TLCD3A: variants seen among roughly 807,000 people sequenced by gnomAD.
The protein encoded by TLCD3A is TLC domain containing 3A, also known as TLC domain-containing protein 3A.
Under a neutral mutation model 29.9 loss-of-function variants are expected in TLCD3A, and 17 were observed. That is an observed-to-expected ratio of 0.57 (90% CI 0.39 to 0.85). The LOEUF is 0.85. TLCD3A is among the 40% of genes least tolerant of loss of function. The pLI is 0.00. For missense variants in TLCD3A, 332 were observed against 350.8 expected (o/e 0.95, Z 0.43); for synonymous variants, 143 against 147.7 (o/e 0.97, Z 0.23).
chr17:733,046 G>T (rs1192710379), intron 1 of TLCD3A, 52 bp from the exon 2 acceptor site: 2 of 1,513,524 alleles, frequency 1.3e-6, no homozygotes, highest in East Asian at 2.5e-5. Context: ...CGGGCTCCCT[G>T]CGGTCCTCGG....
At position 732,634 on chromosome 17, in the gene TLCD3A, G is replaced by A. The variant is rs1388365601; in HGVS notation, c.-14G>A. On this transcript the variant is annotated 5_prime_UTR_variant, in exon 1 of 5. Transcript: ENST00000308278. ...CCACGCGGCGCCAGCGAGGCGGCCGGACCCGCAGCCCCGATGCTGCTGACG... is the reference window on the plus strand; with the variant it reads ...CCACGCGGCGCCAGCGAGGCGGCCGAACCCGCAGCCCCGATGCTGCTGACG... 4 of 1,253,694 alleles carry A rather than the reference G, an allele frequency of 3.2e-6. No homozygotes were observed. Among genetic ancestry groups the A allele is most frequent in the Admixed American group, 4.1e-5 (1 of 24,206 alleles). 77.7% of individuals were successfully genotyped at this position (1,253,694 alleles called of 1,614,324 possible). A position where few individuals can be genotyped will look rare whatever the true frequency, so the allele number is the denominator to read the frequency against.
At chr17:740,747 G>A in intron 4 of TLCD3A, 147 bp downstream of exon 4, 1 of 819,624 alleles carries the variant, frequency 1.2e-6, no homozygotes, top group Non-Finnish European at 1.9e-6. Flanking sequence ...ATGTATGAAT[G>A]AATGGCAGAG....
At chr17:733,205 G>A (rs368759793) in intron 2 of TLCD3A, 24 bp downstream of exon 2, 7 of 1,514,284 alleles carry the variant, frequency 4.6e-6, no homozygotes, top group Non-Finnish European at 6.2e-6. Flanking sequence ...CCGGGGCCTT[G>A]TTGCAAATGT....
intron 2 of TLCD3A, among the ~76,000 whole-genome samples, chr17:734,186 T>C (rs1324419095): frequency 8.4e-6 from 1 of 119,190 alleles, no homozygotes; most frequent in African/African-American, 2.7e-5. Flanking sequence ...CTTCTTCTTC[T>C]TCTTCTTTTT....
At chr17:735,230 TTGAACTCCTGACCTCAGG>T (rs1186198002) in intron 2 of TLCD3A, among the ~76,000 whole-genome samples, 1 of 150,466 alleles carries the variant, frequency 6.6e-6, no homozygotes, top group East Asian at 2.0e-4. Context: ...CAGGCTGGTC[TTGAACTCCTGACCTCAGG>T]TGATCCATCC....
rs943556240 is a variant in TLCD3A at position 742,938 on chromosome 17, T to C, written c.*1368T>C. ...TCAGTGTATCTTTAAAAGTCACCCT[T>C]ACGGTGATTAAATTGCACTAACATT... On this transcript the variant is annotated 3_prime_UTR_variant, in exon 5 of 5. Coordinates refer to ENST00000308278, the MANE Select transcript of TLCD3A (RefSeq NM_024792.3). The C allele has an allele frequency of 6.6e-6, 1 of 152,238 alleles. No individual in the cohort carries two copies. The allele number at this position is 152,238 out of a possible 1,614,324, so 9.4% of individuals were successfully genotyped here. A position where few individuals can be genotyped will look rare whatever the true frequency, so the allele number is the denominator to read the frequency against.
chr17:735,916 A>G (rs1438056564), intron 2 of TLCD3A, among the ~76,000 whole-genome samples: 1 of 148,792 alleles, frequency 6.7e-6, no homozygotes, highest in Non-Finnish European at 1.5e-5. Context: ...CAGAGGTTGC[A>G]GTGAGCTGAG....
Position 741,552 on chromosome 17 carries a change from A to T in TLCD3A, c.756A>T (p.Gln252His), listed in dbSNP as rs1453113330. Residue 252 changes from glutamine to histidine, a missense_variant, in exon 5 of 5, where the codon CAA becomes CAT. Gln to His is a conservative substitution (Grantham distance 24). Transcript: ENST00000308278. ...RKAVRLFDTP[Q>H]AKKDG is the part of the protein sequence containing the mutation. ...CAGTCCGGCTCTTTGACACTCCCCAAGCCAAAAAGGATGGCTAAATGCTCC... is the reference window on the plus strand; with the variant it reads ...CAGTCCGGCTCTTTGACACTCCCCATGCCAAAAAGGATGGCTAAATGCTCC... The T allele has an allele frequency of 1.2e-6, 2 of 1,613,482 alleles. No homozygotes were observed. The highest frequency in any genetic ancestry group is 2.7e-5 in the African/African-American group (2 of 75,044).
rs567006141 is a variant in TLCD3A, at chr17:733,252, C to G, written c.206+71C>G. The G allele has an allele frequency of 2.4e-5, 32 of 1,358,124 alleles. 1 individual carries two copies. In the South Asian group the frequency reaches 3.8e-4, roughly 16 times the overall value. The allele number at this position is 1,358,124 out of a possible 1,614,324, so 84.1% of individuals were successfully genotyped here. A position where few individuals can be genotyped will look rare whatever the true frequency, so the allele number is the denominator to read the frequency against. ...AGCTCGCAGGCTCTGGCTCTCGCAG[C>G]ACACGCGCTCAGAAAGCTGACTAAT... is the stretch of plus-strand genomic sequence containing the variant. On this transcript the variant is annotated intron_variant, in intron 2 of 4. Transcript: ENST00000308278.
chr17:741,552 A>C lies in TLCD3A; in HGVS notation c.756A>C (p.Gln252His). ...CAGTCCGGCTCTTTGACACTCCCCA[A>C]GCCAAAAAGGATGGCTAAATGCTCC... ...RKAVRLFDTPQAKKDG is the reference protein window; with the variant it reads ...RKAVRLFDTPHAKKDG Residue 252 changes from glutamine (Q) to histidine (H), a missense_variant, in exon 5 of 5, where the codon CAA becomes CAC. By Grantham distance (24) the Gln-to-His change is conservative (BLOSUM62 0). Coordinates refer to ENST00000308278, the MANE Select transcript of TLCD3A (RefSeq NM_024792.3). 6.2e-7 allele frequency: 1 copy of C among 1,613,482 alleles called. No homozygotes were observed. Among genetic ancestry groups the C allele is most frequent in the Non-Finnish European group, 8.5e-7 (1 of 1,180,028 alleles).
rs983888869 is a variant in TLCD3A at position 742,927 on chromosome 17, A to G, written c.*1357A>G. 1 of 152,284 alleles carries G rather than the reference A, an allele frequency of 6.6e-6. No individual in the cohort carries two copies. The highest frequency in any genetic ancestry group is 1.5e-5 in the Non-Finnish European group (1 of 68,042). 9.4% of individuals were successfully genotyped at this position (152,284 alleles called of 1,614,324 possible). ...TTTTTTAACTATCAGTGTATCTTTA[A>G]AAGTCACCCTTACGGTGATTAAATT... On this transcript the variant is annotated 3_prime_UTR_variant, in exon 5 of 5. Transcript: ENST00000308278.
Position 741,734 on chromosome 17 carries a change from C to A in TLCD3A, c.*164C>A. On this transcript the variant is annotated 3_prime_UTR_variant, in exon 5 of 5. Coordinates refer to ENST00000308278, the MANE Select transcript of TLCD3A (RefSeq NM_024792.3). The stretch of plus-strand genomic sequence containing the variant: ...ATATTACCTCCTTCTTCTAACTTGC[C>A]CTATTTGCAAAAGCACTTTTGTAGT... 1 of 877,690 alleles carries A rather than the reference C, an allele frequency of 1.1e-6. No homozygotes were observed. The highest frequency in any genetic ancestry group is 1.7e-6 in the Non-Finnish European group (1 of 589,254). 54.4% of individuals were successfully genotyped at this position (877,690 alleles called of 1,614,324 possible).
Position 732,664 on chromosome 17 carries a change from C to A in TLCD3A, c.17C>A (p.Ala6Asp). The stretch of plus-strand genomic sequence containing the variant: ...GCAGCCCCGATGCTGCTGACGCTGG[C>A]CGGGGGCGCGCTCTTCTTCCCGGGG... MLLTL[A>D]GGALFFPGLF... The change falls in exon 1 of 5, where the codon GCC becomes GAC. Residue 6 changes from alanine to aspartate, a missense_variant. Coordinates refer to ENST00000308278, the MANE Select transcript of TLCD3A (RefSeq NM_024792.3). 7.2e-7 allele frequency: 1 copy of A among 1,390,694 alleles called. No individual in the cohort carries two copies. Among genetic ancestry groups the A allele is most frequent in the Non-Finnish European group, 9.4e-7 (1 of 1,068,502 alleles). The allele number at this position is 1,390,694 out of a possible 1,614,324, so 86.1% of individuals were successfully genotyped here.
At chr17:732,943 G>T in intron 1 of TLCD3A, 155 bp from the exon 2 acceptor site, 1 of 1,378,612 alleles carries the variant, frequency 7.3e-7, no homozygotes, top group East Asian at 2.9e-5. Context: ...TGGCGGGAGC[G>T]GGGCCGGGGC....
Position 737,912 on chromosome 17 carries a change from G to A in TLCD3A, c.273G>A (p.Met91Ile). 1 of 1,614,046 alleles carries A rather than the reference G, an allele frequency of 6.2e-7. No individual in the cohort carries two copies. The highest frequency in any genetic ancestry group is 8.5e-7 in the Non-Finnish European group (1 of 1,180,008). The change falls in exon 3 of 5, where the codon ATG becomes ATA. Residue 91 changes from methionine to isoleucine, a missense_variant. Met to Ile is a conservative substitution (Grantham distance 10). Coordinates refer to ENST00000308278, the MANE Select transcript of TLCD3A (RefSeq NM_024792.3). The stretch of plus-strand genomic sequence containing the variant: ...ACATGATCTATGACTCGTACGCCAT[G>A]TACCTCTGTGAATGGTGCCGAACCA... The part of the protein sequence containing the change: ...IPYMIYDSYA[M>I]YLCEWCRTRD...
Position 734,596 on chromosome 17 carries a change from G to A in TLCD3A, c.206+1415G>A, listed in dbSNP as rs536193675. Among the ~76,000 whole-genome samples, 4 of 152,228 alleles carry A rather than the reference G, an allele frequency of 2.6e-5. No individual in the cohort carries two copies. In the East Asian group the frequency reaches 7.7e-4, roughly 29 times the overall value. ...CCCAAAGTGTTGGGATTATAGGCGT[G>A]AGCCACTGCACCCAGCCAAAAAAGG... On this transcript the variant is annotated intron_variant, in intron 2 of 4. Transcript: ENST00000308278.
intron 2 of TLCD3A, among the ~76,000 whole-genome samples, chr17:736,343 G>A (rs541899153): frequency 2.0e-5 from 3 of 152,286 alleles, no homozygotes; most frequent in South Asian, 2.1e-4. Flanking sequence ...ACGTGGATGC[G>A]CATCAAACGT....
intron 2 of TLCD3A, among the ~76,000 whole-genome samples, chr17:734,272 C>T (rs1007568591): frequency 6.7e-6 from 1 of 148,258 alleles, no homozygotes; most frequent in Non-Finnish European, 1.5e-5. Flanking sequence ...TTCTGCCTCA[C>T]CCTCACAAAG....
Position 742,559 on chromosome 17 carries a change from T to C in TLCD3A, c.*989T>C, listed in dbSNP as rs775718548. On this transcript the variant is annotated 3_prime_UTR_variant, in exon 5 of 5. Transcript: ENST00000308278. ...CCTCCCGATATGCCAGAGCTTGTGG[T>C]CCAAAGCCCATTCCTGTGTGTCCGT... is the stretch of plus-strand genomic sequence containing the variant. 1 of 152,260 alleles carries C rather than the reference T, an allele frequency of 6.6e-6. No individual in the cohort carries two copies. The highest frequency in any genetic ancestry group is 2.4e-5 in the African/African-American group (1 of 41,446). The allele number at this position is 152,260 out of a possible 1,614,324, so 9.4% of individuals were successfully genotyped here.
Sources: gnomAD v4.1 joint callset for allele counts (sites outside exome capture counted in the v4.1 genomes callset) on GRCh38, gnomAD v4.1.1 for gene constraint, MANE v1.5 for transcripts, NCBI Gene and HGNC (gene_info 2026-07-23, HGNC 2026-07-21) for gene names.